Variants in ST8SIA1 observed in about 807,000 individuals in gnomAD.
ST8SIA1 encodes ST8 alpha-N-acetyl-neuraminide alpha-2,8-sialyltransferase 1.
In ST8SIA1, 16 loss-of-function variants were observed where a neutral mutation model predicts 35.9. The ratio of observed to expected loss-of-function variants is 0.45; its 90% CI spans 0.30 to 0.68. The LOEUF (loss-of-function observed/expected upper bound fraction) is 0.68, where lower values mean the gene tolerates loss of function less well. ST8SIA1 is among the 30% of genes least tolerant of loss of function. The pLI is 0.09. For missense variants in ST8SIA1, 383 were observed against 453.6 expected (o/e 0.84, Z 1.41); for synonymous variants, 170 against 169.6 (o/e 1.00, Z -0.02).
chr12:22,258,439 A>C (rs187295158), intron 2 of ST8SIA1, among the ~76,000 whole-genome samples: 56 of 151,676 alleles, frequency 3.7e-4, no homozygotes, highest in Admixed American at 3.1e-3. Flanking sequence ...GAATGAGTGC[A>C]GATGGAAAAG....
chr12:22,322,812 G>T (rs1297206441), intron 1 of ST8SIA1, among the ~76,000 whole-genome samples: 3 of 152,200 alleles, frequency 2.0e-5, no homozygotes, highest in Non-Finnish European at 4.4e-5. Context: ...CACCAGGTGG[G>T]TATGATCTGC....
intron 1 of ST8SIA1, among the ~76,000 whole-genome samples, chr12:22,332,630 GA>G (rs1453886494): frequency 6.6e-6 from 1 of 152,164 alleles, no homozygotes; most frequent in Admixed American, 6.5e-5. Flanking sequence ...TAAATTCAAT[GA>G]TGGTAGAGTT....
At chr12:22,275,919 C>T (rs61921859) in intron 2 of ST8SIA1, among the ~76,000 whole-genome samples, 3,401 of 152,330 alleles carry the variant, frequency 0.022, 107 homozygotes, top group Admixed American at 0.086. Flanking sequence ...TTCCCCATCC[C>T]TCACCCACTG....
At chr12:22,216,225 T>C (rs144587197) in intron 4 of ST8SIA1, among the ~76,000 whole-genome samples, 1 of 152,130 alleles carries the variant, frequency 6.6e-6, no homozygotes, top group Non-Finnish European at 1.5e-5. Flanking sequence ...CAAGTAATTG[T>C]CCCAAGTCCA....
intron 1 of ST8SIA1, among the ~76,000 whole-genome samples, chr12:22,323,771 T>C (rs1866636058): frequency 6.6e-6 from 1 of 152,092 alleles, no homozygotes; most frequent in African/African-American, 2.4e-5. Context: ...AACCAAACAC[T>C]GTATGTTCTC....
At chr12:22,319,584 G>A (rs958021065) in intron 1 of ST8SIA1, among the ~76,000 whole-genome samples, 3 of 152,348 alleles carry the variant, frequency 2.0e-5, no homozygotes, top group South Asian at 2.1e-4. Context: ...TGCTGCATGA[G>A]TTGGGAGAGC....
rs1443513056 is a variant in ST8SIA1, at chr12:22,327,507, CAGA to C, written c.236+6487_236+6489del. Among the ~76,000 whole-genome samples the C allele has an allele frequency of 2.0e-5, 3 of 152,138 alleles. No homozygotes were observed. The East Asian group carries it at 5.8e-4, about 29-fold the overall frequency. ...ATGCCCCACGCAGGCAGGCAGGCTGCAGAAGTAGAGTTGGGTCATTTGGGCAGG... is the reference window on the plus strand; with the variant it reads ...ATGCCCCACGCAGGCAGGCAGGCTGCAGTAGAGTTGGGTCATTTGGGCAGG... On this transcript the variant is annotated intron_variant, in intron 1 of 4. Coordinates refer to ENST00000396037, the MANE Select transcript of ST8SIA1 (RefSeq NM_003034.4).
At chr12:22,333,825 T>C (rs764225368) in intron 1 of ST8SIA1, 172 bp downstream of exon 1, 1 of 784,458 alleles carries the variant, frequency 1.3e-6, no homozygotes, top group Non-Finnish European at 2.3e-6. Context: ...GAAGGAACCC[T>C]GACTAAAGTC....
At chr12:22,221,209 A>G (rs1426220048) in intron 4 of ST8SIA1, among the ~76,000 whole-genome samples, 2 of 152,084 alleles carry the variant, frequency 1.3e-5, no homozygotes, top group Non-Finnish European at 2.9e-5. Context: ...TCCAATTTAC[A>G]TCATCACCTG....
chr12:22,275,861 A>G (rs60828371), intron 2 of ST8SIA1, among the ~76,000 whole-genome samples: 14,106 of 152,214 alleles, frequency 0.093, 802 homozygotes, highest in East Asian at 0.15. Flanking sequence ...CCAAGGAAGA[A>G]ACTAGCTCTT....
At chr12:22,258,458 T>G (rs1591837040) in intron 2 of ST8SIA1, among the ~76,000 whole-genome samples, 1 of 139,104 alleles carries the variant, frequency 7.2e-6, no homozygotes, top group Non-Finnish European at 1.6e-5. Context: ...AGAGAAGAGG[T>G]CTAAGAATTG....
intron 1 of ST8SIA1, among the ~76,000 whole-genome samples, chr12:22,288,994 C>CCTCA (rs1371300144): frequency 1.3e-5 from 2 of 152,178 alleles, no homozygotes; most frequent in Non-Finnish European, 2.9e-5. Flanking sequence ...GATCCTCCTG[C>CCTCA]CTCAGCCTCT....
intron 4 of ST8SIA1, 158 bp downstream of exon 4, chr12:22,248,848 C>A: frequency 1.8e-6 from 1 of 567,774 alleles, no homozygotes; most frequent in Non-Finnish European, 3.1e-6. Flanking sequence ...TCCCATAATC[C>A]TGTTTTCTTT....
At chr12:22,277,573 G>A (rs898022830) in intron 2 of ST8SIA1, among the ~76,000 whole-genome samples, 13 of 151,914 alleles carry the variant, frequency 8.6e-5, no homozygotes, top group African/African-American at 2.9e-4. Context: ...CATCATGTTG[G>A]CCAGGCTGGT....
intron 4 of ST8SIA1, among the ~76,000 whole-genome samples, chr12:22,221,935 A>G (rs1282688092): frequency 2.0e-5 from 3 of 152,190 alleles, no homozygotes; most frequent in African/African-American, 4.8e-5. Flanking sequence ...TCTCTAAAAT[A>G]TGGCTAATAC....
intron 4 of ST8SIA1, among the ~76,000 whole-genome samples, chr12:22,248,395 AC>A (rs1565577140): frequency 6.6e-6 from 1 of 150,814 alleles, no homozygotes; most frequent in Non-Finnish European, 1.5e-5. Context: ...TTAGAGACTG[AC>A]CCCCTCCCCC....
rs1339124451 is a variant in ST8SIA1 at position 22,307,772 on chromosome 12, T to C, written c.237-20479A>G. Among the ~76,000 whole-genome samples, 5 of 152,220 alleles carry C rather than the reference T, an allele frequency of 3.3e-5. No individual in the cohort carries two copies. The East Asian group carries it at 9.6e-4, about 29-fold the overall frequency. On this transcript the variant is annotated intron_variant, in intron 1 of 4. Transcript: ENST00000396037. Reference sequence around the variant, plus strand: ...TTCTTCTCTTCCACTATCTTCATTCTTACAAGTTTATGCCTATTTACATTC... The same window carrying C: ...TTCTTCTCTTCCACTATCTTCATTCCTACAAGTTTATGCCTATTTACATTC...
intron 1 of ST8SIA1, among the ~76,000 whole-genome samples, chr12:22,300,072 T>TAA (rs1204956800): frequency 6.6e-6 from 1 of 152,158 alleles, no homozygotes; most frequent in Non-Finnish European, 1.5e-5. Flanking sequence ...AACTAAGATT[T>TAA]AAAAGAATTA....
At chr12:22,245,718 G>A (rs1409286979) in intron 4 of ST8SIA1, among the ~76,000 whole-genome samples, 2 of 152,188 alleles carry the variant, frequency 1.3e-5, no homozygotes, top group South Asian at 2.1e-4. Context: ...AGAGTGGGGG[G>A]CTGGTCACTG....
Sources: gnomAD v4.1 joint callset for allele counts (sites outside exome capture counted in the v4.1 genomes callset) on GRCh38, gnomAD v4.1.1 for gene constraint, MANE v1.5 for transcripts, NCBI Gene and HGNC (gene_info 2026-07-23, HGNC 2026-07-21) for gene names.